Variants in BCAS4 observed in about 807,000 individuals in gnomAD.
BCAS4 encodes breast carcinoma amplified sequence 4, also known as breast carcinoma-amplified sequence 4.
BCAS4 carries 9 observed loss-of-function variants against 15.7 expected under a neutral mutation model. The observed-to-expected ratio is 0.57, with a 90% CI of 0.34 to 1.00. The LOEUF (loss-of-function observed/expected upper bound fraction) is 1.00. Ranked by LOEUF, BCAS4 falls within the 50% of genes least tolerant of loss-of-function variation. The pLI, the probability that BCAS4 is intolerant of heterozygous loss-of-function variation, is 0.02. For missense variants in BCAS4, 225 were observed against 239.1 expected, an observed-to-expected ratio of 0.94 and a Z score of 0.39; for synonymous variants, 101 against 99.5, an observed-to-expected ratio of 1.02 and a Z score of -0.09.
chr20:50,860,692 A>G (rs1979022091), intron 4 of BCAS4, among the ~76,000 whole-genome samples: 1 of 152,106 alleles, frequency 6.6e-6, no homozygotes, highest in Non-Finnish European at 1.5e-5. Flanking sequence ...CCTGGCCAAC[A>G]TGGCGAAACC....
At chr20:50,796,487 A>AT (rs34988437) in intron 1 of BCAS4, among the ~76,000 whole-genome samples, 81 of 6,780 alleles carry the variant, frequency 0.012, 12 homozygotes, top group East Asian at 0.028. Flanking sequence ...ATATATATAT[A>AT]TTTTTTTTTT....
chr20:50,831,348 G>A (rs1451075526), intron 3 of BCAS4, among the ~76,000 whole-genome samples: 6 of 152,100 alleles, frequency 3.9e-5, no homozygotes, highest in Non-Finnish European at 1.5e-5. Flanking sequence ...GGGAGGCAGA[G>A]GTTGCAGTGA....
At chr20:50,859,920 G>A (rs1281577071) in intron 4 of BCAS4, among the ~76,000 whole-genome samples, 1 of 152,052 alleles carries the variant, frequency 6.6e-6, no homozygotes, top group African/African-American at 2.4e-5. Flanking sequence ...CGGGAGGATC[G>A]CTTGAACCCA....
At chr20:50,871,830 T>A (rs1457745993) in intron 4 of BCAS4, among the ~76,000 whole-genome samples, 1 of 152,170 alleles carries the variant, frequency 6.6e-6, no homozygotes, top group Non-Finnish European at 1.5e-5. Context: ...GTCACATGCT[T>A]ACTCCTGGAC....
intron 2 of BCAS4, among the ~76,000 whole-genome samples, chr20:50,823,058 C>A (rs530443740): frequency 6.6e-6 from 1 of 151,868 alleles, no homozygotes; most frequent in Non-Finnish European, 1.5e-5. Context: ...AAGCCTTATT[C>A]GCCAGGCGTG....
At chr20:50,835,853 C>A (rs2088402179) in intron 3 of BCAS4, among the ~76,000 whole-genome samples, 1 of 152,066 alleles carries the variant, frequency 6.6e-6, no homozygotes, top group African/African-American at 2.4e-5. Context: ...AGGGGGGAGT[C>A]CTAAGTGAGG....
At position 50,796,638 on chromosome 20, in the gene BCAS4, G is replaced by A. The variant is rs141691106; in HGVS notation, c.90+1465G>A. Among the ~76,000 whole-genome samples the A allele has an allele frequency of 9.0e-3, 1,343 of 148,566 alleles. 15 individuals carry two copies. Among genetic ancestry groups the A allele is most frequent in the African/African-American group, 0.024 (969 of 40,474 alleles). On this transcript the variant is annotated intron_variant, in intron 1 of 4. Coordinates refer to ENST00000371608, the MANE Select transcript of BCAS4 (RefSeq NM_198799.4). Reference sequence around the variant, plus strand: ...GCCTCCCGAGTAGCTGGGACTACAGGCGTGTGCCACCATGCTCAGCTAATT... The same window carrying A: ...GCCTCCCGAGTAGCTGGGACTACAGACGTGTGCCACCATGCTCAGCTAATT...
intron 1 of BCAS4, among the ~76,000 whole-genome samples, chr20:50,813,315 T>C (rs1462941145): frequency 1.3e-5 from 2 of 152,122 alleles, no homozygotes; most frequent in Non-Finnish European, 2.9e-5. Flanking sequence ...TCCCTGTGAG[T>C]GCAAAGTGGT....
At chr20:50,853,476 G>T (rs544400504) in intron 4 of BCAS4, among the ~76,000 whole-genome samples, 3 of 152,112 alleles carry the variant, frequency 2.0e-5, no homozygotes, top group African/African-American at 7.2e-5. Flanking sequence ...CACCTTCAGG[G>T]TCACTCATCA....
At chr20:50,865,202 A>T (rs1174700210) in intron 4 of BCAS4, among the ~76,000 whole-genome samples, 1 of 152,194 alleles carries the variant, frequency 6.6e-6, no homozygotes, top group East Asian at 1.9e-4. Flanking sequence ...CTTGGTGCTC[A>T]AGTAGGATGA....
intron 1 of BCAS4, among the ~76,000 whole-genome samples, chr20:50,796,487 AT>A (rs34988437): frequency 7.4e-4 from 5 of 6,762 alleles, no homozygotes; most frequent in African/African-American, 1.5e-3. Flanking sequence ...ATATATATAT[AT>A]TTTTTTTTTT....
At position 50,876,404 on chromosome 20, in the gene BCAS4, T is replaced by G. The variant is rs961348708; in HGVS notation, c.400-82T>G. 36 of 1,557,860 alleles carry G rather than the reference T, an allele frequency of 2.3e-5. No individual in the cohort carries two copies. In the African/African-American group the frequency reaches 4.9e-4, roughly 21 times the overall value. ...GGTCATATGTGTGAGTCCTGCAGGATGAACTTGTAGACCGGGAATTCCTGG... is the reference window on the plus strand; with the variant it reads ...GGTCATATGTGTGAGTCCTGCAGGAGGAACTTGTAGACCGGGAATTCCTGG... On this transcript the variant is annotated intron_variant, in intron 4 of 4. Transcript: ENST00000371608.
At chr20:50,835,896 G>A (rs2088402758) in intron 3 of BCAS4, among the ~76,000 whole-genome samples, 1 of 152,018 alleles carries the variant, frequency 6.6e-6, no homozygotes, top group Non-Finnish European at 1.5e-5. Context: ...AAGATCAAGT[G>A]GGAGATGATG....
intron 4 of BCAS4, chr20:50,876,043 C>T (rs889087232): frequency 1.3e-5 from 6 of 455,814 alleles, no homozygotes; most frequent in Non-Finnish European, 2.6e-5. Flanking sequence ...CTCCGCCTCC[C>T]GGGTTCAAGT....
At chr20:50,823,457 T>C (rs1202153737) in intron 2 of BCAS4, among the ~76,000 whole-genome samples, 1 of 152,154 alleles carries the variant, frequency 6.6e-6, no homozygotes, top group Non-Finnish European at 1.5e-5. Flanking sequence ...ATTGGAATAC[T>C]ACACAGCAAT....
chr20:50,856,155 G>A (rs1260157082), intron 4 of BCAS4, among the ~76,000 whole-genome samples: 1 of 152,234 alleles, frequency 6.6e-6, no homozygotes, highest in African/African-American at 2.4e-5. Context: ...ATCAAGCAGT[G>A]TGCAGAGGTG....
chr20:50,821,057 G>C (rs550101224), intron 2 of BCAS4, among the ~76,000 whole-genome samples: 1 of 152,166 alleles, frequency 6.6e-6, no homozygotes, highest in African/African-American at 2.4e-5. Context: ...GCAAGCAAGC[G>C]ACCACCTGCT....
At chr20:50,796,581 G>A (rs1277749513) in intron 1 of BCAS4, among the ~76,000 whole-genome samples, 2 of 119,564 alleles carry the variant, frequency 1.7e-5, no homozygotes, top group South Asian at 3.3e-4. Flanking sequence ...TGCAACCTCC[G>A]CCTCCCAGGT....
At chr20:50,812,001 A>G (rs1053228773) in intron 1 of BCAS4, among the ~76,000 whole-genome samples, 1 of 152,236 alleles carries the variant, frequency 6.6e-6, no homozygotes, top group African/African-American at 2.4e-5. Context: ...CATGTTTTCA[A>G]GGATCATCCA....
Sources: allele counts gnomAD v4.1 joint callset (sites outside exome capture counted in the v4.1 genomes callset), GRCh38; gene constraint gnomAD v4.1.1; transcripts MANE v1.5; gene names NCBI Gene and HGNC (gene_info 2026-07-23, HGNC 2026-07-21).